DSCAM: variants seen among roughly 807,000 people sequenced by gnomAD.
DSCAM encodes the protein DS cell adhesion molecule, also known as cell adhesion molecule DSCAM.
Under a neutral mutation model 217.7 loss-of-function variants are expected in DSCAM, and 47 were observed. The ratio of observed to expected loss-of-function variants is 0.22; its 90% CI spans 0.17 to 0.28. The LOEUF (loss-of-function observed/expected upper bound fraction) is 0.28, where lower values mean the gene tolerates loss of function less well. Ranked by LOEUF, DSCAM falls within the 10% of genes least tolerant of loss-of-function variation. The probability of loss-of-function intolerance (pLI) is 1.00; values close to 1 mark genes in which losing one functional copy is unlikely to be tolerated. For missense variants in DSCAM, 2,080 were observed against 2,618.3 expected (o/e 0.79, Z 4.49); for synonymous variants, 1,056 against 1,015.3 (o/e 1.04, Z -0.76).
chr21:40,356,040 T>C (rs1004267553), intron 4 of DSCAM, among the ~76,000 whole-genome samples: 3 of 152,180 alleles, frequency 2.0e-5, no homozygotes, highest in Admixed American at 6.5e-5. Flanking sequence ...TGTGTGTATA[T>C]GTATATCAAC....
intron 1 of DSCAM, among the ~76,000 whole-genome samples, chr21:40,815,844 A>C (rs1007145864): frequency 6.6e-6 from 1 of 152,174 alleles, no homozygotes; most frequent in African/African-American, 2.4e-5. Context: ...CTCATCTGTA[A>C]AGGGGAGAGA....
intron 30 of DSCAM, among the ~76,000 whole-genome samples, chr21:40,049,752 G>T (rs367584741): frequency 6.6e-6 from 1 of 152,098 alleles, no homozygotes; most frequent in Non-Finnish European, 1.5e-5. Flanking sequence ...TCCCATGTGC[G>T]TCCTGCCTGG....
chr21:40,252,004 T>C (rs1166088675), intron 11 of DSCAM, among the ~76,000 whole-genome samples: 1 of 152,114 alleles, frequency 6.6e-6, no homozygotes, highest in East Asian at 1.9e-4. Flanking sequence ...TGACAACAAT[T>C]ACATGAACTT....
At chr21:40,560,073 T>A (rs541721731) in intron 3 of DSCAM, among the ~76,000 whole-genome samples, 2 of 152,200 alleles carry the variant, frequency 1.3e-5, no homozygotes, top group Non-Finnish European at 2.9e-5. Flanking sequence ...GATTATAGGC[T>A]TGAGCCACCA....
rs1052464745 is a variant in DSCAM, at chr21:40,276,346, C to G, written c.2183-76G>C. The stretch of plus-strand genomic sequence containing the variant: ...GGAAGACAACGAGTTCAAGTACACA[C>G]AGACTCATAAAGAGATGCTTCACAC... On this transcript the variant is annotated intron_variant, in intron 10 of 32. Coordinates refer to ENST00000400454, the MANE Select transcript of DSCAM (RefSeq NM_001389.5). 3.5e-5 allele frequency: 49 copies of G among 1,387,560 alleles called. 1 individual carries two copies. The highest frequency in any genetic ancestry group is 8.7e-6 in the Non-Finnish European group (9 of 1,028,980). The allele number at this position is 1,387,560 out of a possible 1,614,324, so 86.0% of individuals were successfully genotyped here.
intron 3 of DSCAM, among the ~76,000 whole-genome samples, chr21:40,459,298 C>T (rs1476093817): frequency 6.6e-6 from 1 of 151,948 alleles, no homozygotes; most frequent in Admixed American, 6.6e-5. Context: ...AAATTAAATG[C>T]TAGAACATAC....
rs144958644 is a variant in DSCAM at position 40,391,779 on chromosome 21, G to A, written c.509-22534C>T. 1.5e-3 allele frequency among the ~76,000 whole-genome samples: 232 copies of A among 152,292 alleles called. 1 individual carries two copies. The highest frequency in any genetic ancestry group is 4.7e-3 in the African/African-American group (196 of 41,558). On this transcript the variant is annotated intron_variant, in intron 3 of 32. Coordinates refer to ENST00000400454, the MANE Select transcript of DSCAM (RefSeq NM_001389.5). ...ACATTGCTGTTATCGGAAATTTCTC[G>A]TTGCAAAAATTAGAAGATTGCTAAC...
rs780125458 is a variant in DSCAM at position 40,013,343 on chromosome 21, C to T, written c.5730G>A (p.Leu1910=). The T allele has an allele frequency of 1.3e-5, 20 of 1,599,512 alleles. No individual in the cohort carries two copies. The highest frequency in any genetic ancestry group is 1.5e-5 in the Non-Finnish European group (18 of 1,174,154). Reference sequence around the variant, plus strand: ...TGGTGCCTGGACCACCTCGGTTTAACAAAAAGTCCATTCTAAGGTATGGAG... The same window carrying T: ...TGGTGCCTGGACCACCTCGGTTTAATAAAAAGTCCATTCTAAGGTATGGAG... The part of the protein sequence containing the change: ...HLPPYLRMDF[L]LNRGGPGTSR... The change falls in exon 33 of 33, where the codon TTG becomes TTA. Residue 1910 remains leucine, a synonymous_variant. Transcript: ENST00000400454.
rs754671890 is a variant in DSCAM, at chr21:40,369,120, T to C, written c.634A>G (p.Ser212Gly). The change falls in exon 4 of 33, where the codon AGC (serine) becomes GGC (glycine). Residue 212 changes from serine (S) to glycine (G), a missense_variant. This residue lies in a region of DSCAM where 568 missense variants were observed against 678.1 expected (regional missense o/e 0.84). Transcript: ENST00000400454. ...RYTGETRQSN[S>G]ARLFVSDPAN... Reference sequence around the variant, plus strand: ...TTACCTGATACAAAAAGTCTGGCGCTGTTGCTCTGCCTCGTCTCTCCGGTG... The same window carrying C: ...TTACCTGATACAAAAAGTCTGGCGCCGTTGCTCTGCCTCGTCTCTCCGGTG... The C allele has an allele frequency of 4.3e-6, 7 of 1,610,984 alleles. No individual in the cohort carries two copies. Among genetic ancestry groups the C allele is most frequent in the Non-Finnish European group, 5.1e-6 (6 of 1,178,882 alleles).
chr21:40,116,107 C>T (rs1049010132), intron 20 of DSCAM, among the ~76,000 whole-genome samples: 3 of 152,064 alleles, frequency 2.0e-5, no homozygotes, highest in African/African-American at 7.3e-5. Flanking sequence ...ATTATGAGAA[C>T]ATACACACAC....
At chr21:40,136,017 G>T (rs1568959489) in intron 18 of DSCAM, among the ~76,000 whole-genome samples, 1 of 152,202 alleles carries the variant, frequency 6.6e-6, no homozygotes, top group African/African-American at 2.4e-5. Context: ...AGTTCTGTAG[G>T]CTGGGGCTTT....
At chr21:40,432,104 G>A (rs1333985623) in intron 3 of DSCAM, among the ~76,000 whole-genome samples, 1 of 152,134 alleles carries the variant, frequency 6.6e-6, no homozygotes, top group East Asian at 1.9e-4. Flanking sequence ...TTGGGAGGCT[G>A]AGGCAGGAGA....
At chr21:40,209,985 CG>C (rs1479176882) in intron 11 of DSCAM, among the ~76,000 whole-genome samples, 1 of 152,186 alleles carries the variant, frequency 6.6e-6, no homozygotes, top group Non-Finnish European at 1.5e-5. Flanking sequence ...AAAGTTAAGA[CG>C]TTTTATAATC....
Position 40,518,247 on chromosome 21 carries a change from G to A in DSCAM, c.509-149002C>T, listed in dbSNP as rs1029068762. 3.6e-5 allele frequency among the ~76,000 whole-genome samples: 5 copies of A among 140,182 alleles called. No homozygotes were observed. In the East Asian group the frequency reaches 8.4e-4, roughly 24 times the overall value. 92.0% of individuals were successfully genotyped at this position (140,182 alleles called of 152,430 possible). On this transcript the variant is annotated intron_variant, in intron 3 of 32. Coordinates refer to ENST00000400454, the MANE Select transcript of DSCAM (RefSeq NM_001389.5). ...GCAAGAGACCCTGAAGGCCTGAGATGCGTCCTGTCTTGCTGGGTGAGGCAC... is the reference window on the plus strand; with the variant it reads ...GCAAGAGACCCTGAAGGCCTGAGATACGTCCTGTCTTGCTGGGTGAGGCAC...
At chr21:40,479,534 C>T (rs1313186946) in intron 3 of DSCAM, among the ~76,000 whole-genome samples, 1 of 152,074 alleles carries the variant, frequency 6.6e-6, no homozygotes, top group Non-Finnish European at 1.5e-5. Context: ...TGGCAGAAGG[C>T]AAAGGAGGAG....
At chr21:40,285,100 T>G (rs2123411460) in intron 10 of DSCAM, among the ~76,000 whole-genome samples, 1 of 152,330 alleles carries the variant, frequency 6.6e-6, no homozygotes, top group East Asian at 1.9e-4. Context: ...CACTCACTTA[T>G]CAGATAATTG....
At chr21:40,415,353 C>G (rs1289447962) in intron 3 of DSCAM, among the ~76,000 whole-genome samples, 1 of 152,166 alleles carries the variant, frequency 6.6e-6, no homozygotes, top group African/African-American at 2.4e-5. Flanking sequence ...CAGAGCGTGC[C>G]AAAAGTTGGT....
chr21:40,101,268 T>A (rs2089746908), intron 20 of DSCAM, among the ~76,000 whole-genome samples: 1 of 152,188 alleles, frequency 6.6e-6, no homozygotes, highest in African/African-American at 2.4e-5. Flanking sequence ...GTAGGCTCTA[T>A]CCAAGTTGAG....
chr21:40,173,525 G>A (rs1425369596), intron 15 of DSCAM, among the ~76,000 whole-genome samples: 1 of 152,152 alleles, frequency 6.6e-6, no homozygotes, highest in East Asian at 1.9e-4. Context: ...CTGAGGGCCT[G>A]GTTGGTCATG....
Sources: allele counts gnomAD v4.1 joint callset (sites outside exome capture counted in the v4.1 genomes callset), GRCh38; gene constraint gnomAD v4.1.1; regional missense constraint gnomAD v4.1.1; transcripts MANE v1.5; gene names NCBI Gene and HGNC (gene_info 2026-07-23, HGNC 2026-07-21).